Variants in RBMS3 observed in about 807,000 individuals in gnomAD.
RBMS3 encodes the protein RNA binding motif single stranded interacting protein 3.
In RBMS3, 27 loss-of-function variants were observed where a neutral mutation model predicts 66.8. The ratio of observed to expected loss-of-function variants is 0.40; its 90% CI spans 0.30 to 0.56. The LOEUF is 0.56. Among genes scored for constraint, RBMS3 ranks in the 20% least tolerant of loss-of-function variants. RBMS3 has a pLI of 0.40. For synonymous variants in RBMS3, 188 were observed against 183.0 expected (o/e 1.03, Z -0.22); for missense variants, 513 against 549.5 (o/e 0.93, Z 0.66).
intron 3 of RBMS3, among the ~76,000 whole-genome samples, chr3:29,559,349 T>C (rs2046462392): frequency 6.6e-6 from 1 of 151,582 alleles, no homozygotes; most frequent in African/African-American, 2.4e-5. Flanking sequence ...CATAAAAGCA[T>C]TCATCACCTT....
At chr3:29,497,342 T>C (rs887846132) in intron 3 of RBMS3, among the ~76,000 whole-genome samples, 2 of 152,170 alleles carry the variant, frequency 1.3e-5, no homozygotes, top group Non-Finnish European at 2.9e-5. Context: ...TGTTGAGGAA[T>C]ATAAAACAGC....
intron 3 of RBMS3, among the ~76,000 whole-genome samples, chr3:29,491,909 C>T (rs1431204998): frequency 5.3e-5 from 8 of 151,864 alleles, no homozygotes; most frequent in African/African-American, 1.2e-4. Context: ...AGGAGAATGG[C>T]GTGAACCCAG....
chr3:29,398,907 T>C (rs546241270), intron 1 of RBMS3, among the ~76,000 whole-genome samples: 1 of 152,182 alleles, frequency 6.6e-6, no homozygotes, highest in Non-Finnish European at 1.5e-5. Context: ...GTTTTGTTTT[T>C]ATGTGTTTTT....
At chr3:29,998,514 T>G (rs1389389167) in intron 14 of RBMS3, among the ~76,000 whole-genome samples, 2 of 152,162 alleles carry the variant, frequency 1.3e-5, no homozygotes, top group East Asian at 1.9e-4. Flanking sequence ...GACTTCAAAC[T>G]ATACTACAAG....
chr3:29,532,407 C>T (rs1052275593), intron 3 of RBMS3, among the ~76,000 whole-genome samples: 1 of 151,632 alleles, frequency 6.6e-6, no homozygotes, highest in Non-Finnish European at 1.5e-5. Context: ...TTGGGGGAAA[C>T]TGAGTGAACA....
chr3:29,624,491 TC>T (rs1440691139), intron 4 of RBMS3, among the ~76,000 whole-genome samples: 1 of 152,262 alleles, frequency 6.6e-6, no homozygotes, highest in East Asian at 1.9e-4. Flanking sequence ...TCCATAAGTA[TC>T]TAGTAGAATA....
chr3:29,838,904 A>G (rs1379051748), intron 6 of RBMS3, among the ~76,000 whole-genome samples: 1 of 152,148 alleles, frequency 6.6e-6, no homozygotes, highest in Non-Finnish European at 1.5e-5. Context: ...CACAATATAG[A>G]TATGATCAAA....
At chr3:29,765,415 C>A (rs1364356203) in intron 6 of RBMS3, among the ~76,000 whole-genome samples, 1 of 151,818 alleles carries the variant, frequency 6.6e-6, no homozygotes, top group Non-Finnish European at 1.5e-5. Flanking sequence ...GGCCAATTTC[C>A]GAATCTTTTT....
chr3:29,397,351 A>G (rs986112120), intron 1 of RBMS3, among the ~76,000 whole-genome samples: 7 of 152,182 alleles, frequency 4.6e-5, no homozygotes, highest in Admixed American at 3.9e-4. Context: ...TTCAGTTTCA[A>G]AAACTGATTA....
rs113619432 is a variant in RBMS3 at position 29,929,760 on chromosome 3, T to C, written c.940-6326T>C. The stretch of plus-strand genomic sequence containing the variant: ...CTCTTCTACCTTTATCATATAGCAG[T>C]GGAAAATGTCTTACTTCTAAACATT... On this transcript the variant is annotated intron_variant, in intron 10 of 14. Transcript: ENST00000383767. 1.2e-3 allele frequency among the ~76,000 whole-genome samples: 182 copies of C among 152,248 alleles called. 2 individuals are homozygous for C. The highest frequency in any genetic ancestry group is 1.7e-3 in the Non-Finnish European group (114 of 68,008).
chr3:29,984,676 C>T (rs146627429), intron 12 of RBMS3, among the ~76,000 whole-genome samples: 2,912 of 152,252 alleles, frequency 0.019, 88 homozygotes, highest in African/African-American at 0.065. Context: ...CCCTCTGCTG[C>T]AGGTCTGCTG....
intron 1 of RBMS3, among the ~76,000 whole-genome samples, chr3:29,382,360 C>T (rs190830914): frequency 1.5e-3 from 235 of 152,240 alleles, no homozygotes; most frequent in Non-Finnish European, 2.6e-3. Flanking sequence ...ATGAATGCTC[C>T]CACATATGTA....
chr3:29,552,857 G>T (rs754588552), intron 3 of RBMS3, among the ~76,000 whole-genome samples: 13 of 152,112 alleles, frequency 8.5e-5, no homozygotes, highest in Non-Finnish European at 1.6e-4. Flanking sequence ...TAGTATCTGG[G>T]TAGTAAATGG....
At chr3:29,782,829 A>C (rs1453413699) in intron 6 of RBMS3, among the ~76,000 whole-genome samples, 2 of 152,128 alleles carry the variant, frequency 1.3e-5, no homozygotes, top group Non-Finnish European at 2.9e-5. Context: ...AGACAGCATA[A>C]ATAAAAACCA....
At chr3:29,753,513 A>C (rs2055274320) in intron 5 of RBMS3, among the ~76,000 whole-genome samples, 1 of 152,192 alleles carries the variant, frequency 6.6e-6, no homozygotes, top group Non-Finnish European at 1.5e-5. Flanking sequence ...GGAAAAAATG[A>C]GTAGCCCCGT....
intron 6 of RBMS3, among the ~76,000 whole-genome samples, chr3:29,809,878 C>T (rs546811778): frequency 3.3e-5 from 5 of 152,102 alleles, no homozygotes; most frequent in African/African-American, 1.2e-4. Flanking sequence ...ACTTAAGCAG[C>T]ATCTGTTTCA....
chr3:29,668,395 G>A (rs1359311412), intron 4 of RBMS3, among the ~76,000 whole-genome samples: 1 of 152,188 alleles, frequency 6.6e-6, no homozygotes, highest in Non-Finnish European at 1.5e-5. Flanking sequence ...TACTGGCCTA[G>A]GCTGGCCCTG....
At chr3:29,715,924 C>G (rs1190509577) in intron 4 of RBMS3, among the ~76,000 whole-genome samples, 1 of 152,014 alleles carries the variant, frequency 6.6e-6, no homozygotes, top group Non-Finnish European at 1.5e-5. Context: ...GCCTTTGATG[C>G]CTTTTCATGT....
At chr3:29,414,443 C>G (rs116051499) in intron 1 of RBMS3, among the ~76,000 whole-genome samples, 1 of 152,158 alleles carries the variant, frequency 6.6e-6, no homozygotes, top group South Asian at 2.1e-4. Flanking sequence ...AACAAAGGCA[C>G]AACATTCTTC....
Sources: gnomAD v4.1 joint callset for allele counts (sites outside exome capture counted in the v4.1 genomes callset) on GRCh38, gnomAD v4.1.1 for gene constraint, MANE v1.5 for transcripts, NCBI Gene and HGNC (gene_info 2026-07-23, HGNC 2026-07-21) for gene names.